RNF114: variants seen among roughly 807,000 people sequenced by gnomAD.
The protein encoded by RNF114 is E3 ubiquitin-protein ligase RNF114.
A neutral mutation model predicts 28.4 loss-of-function variants in RNF114; 6 were observed. That is an observed-to-expected ratio of 0.21 (90% CI 0.12 to 0.42). The LOEUF (loss-of-function observed/expected upper bound fraction) is 0.42, where lower values mean the gene tolerates loss of function less well. Among genes scored for constraint, RNF114 ranks in the 10% least tolerant of loss-of-function variants. The probability of loss-of-function intolerance (pLI) is 1.00; values close to 1 mark genes in which losing one functional copy is unlikely to be tolerated. For missense variants in RNF114, 249 were observed against 311.7 expected, an observed-to-expected ratio of 0.80 and a Z score of 1.51; for synonymous variants, 115 against 116.7, an observed-to-expected ratio of 0.99 and a Z score of 0.09.
chr20:49,939,151 A>T (rs935999452), intron 1 of RNF114, among the ~76,000 whole-genome samples: 8 of 152,172 alleles, frequency 5.3e-5, no homozygotes, highest in Non-Finnish European at 1.2e-4. Flanking sequence ...GCAGCTTTCT[A>T]TGATCACCCC....
At chr20:49,941,510 C>T (rs775568613) in intron 1 of RNF114, 51 bp from the exon 2 acceptor site, 90 of 1,513,792 alleles carry the variant, frequency 5.9e-5, no homozygotes, top group Non-Finnish European at 6.9e-5. Flanking sequence ...CCATATTTGT[C>T]GTCTTGTCTC....
intron 1 of RNF114, among the ~76,000 whole-genome samples, chr20:49,939,978 G>A (rs183432372): frequency 5.3e-5 from 8 of 150,918 alleles, no homozygotes; most frequent in South Asian, 2.1e-4. Flanking sequence ...CGCTTGGACC[G>A]GGGAGGCAGA....
Position 49,945,636 on chromosome 20 carries a change from G to A in RNF114, c.398+148G>A, listed in dbSNP as rs928949050. ...GGAGGAGTATGCAAGGGAGGACTCT[G>A]GTGTTCACTTCAGATGTTAGCTGAG... On this transcript the variant is annotated intron_variant, in intron 3 of 5. Coordinates refer to ENST00000244061, the MANE Select transcript of RNF114 (RefSeq NM_018683.4). 1.2e-5 allele frequency: 7 copies of A among 595,348 alleles called. No homozygotes were observed. In the South Asian group the frequency reaches 1.4e-4, roughly 12 times the overall value. The allele number at this position is 595,348 out of a possible 1,614,324, so 36.9% of individuals were successfully genotyped here. A position where few individuals can be genotyped will look rare whatever the true frequency, so the allele number is the denominator to read the frequency against.
intron 5 of RNF114, among the ~76,000 whole-genome samples, chr20:49,949,567 G>A (rs1196767718): frequency 1.3e-5 from 2 of 152,190 alleles, no homozygotes; most frequent in African/African-American, 4.8e-5. Context: ...TGTAGCTGGG[G>A]AGCTAGATGG....
intron 1 of RNF114, among the ~76,000 whole-genome samples, chr20:49,940,400 T>A (rs2090302943): frequency 6.9e-6 from 1 of 145,948 alleles, no homozygotes; most frequent in Non-Finnish European, 1.5e-5. Context: ...TACAAAAGGA[T>A]CCATCTGAAC....
intron 4 of RNF114, among the ~76,000 whole-genome samples, chr20:49,947,193 C>G (rs2090335540): frequency 7.7e-6 from 1 of 130,556 alleles, no homozygotes; most frequent in South Asian, 2.6e-4. Context: ...GCACTCTAGT[C>G]TGGGCAGCAG....
At chr20:49,942,290 T>A (rs908806455) in intron 2 of RNF114, among the ~76,000 whole-genome samples, 1 of 152,102 alleles carries the variant, frequency 6.6e-6, no homozygotes, top group Admixed American at 6.6e-5. Flanking sequence ...CATTGGATTG[T>A]AATAACAATA....
chr20:49,945,113 A>G lies in RNF114; in HGVS notation c.292-269A>G, dbSNP rs531218030. On this transcript the variant is annotated intron_variant, in intron 2 of 5. Coordinates refer to ENST00000244061, the MANE Select transcript of RNF114 (RefSeq NM_018683.4). ...ATTTGGAGCTTGTCTGTGAGCAGAC[A>G]GCCTATCATGAATAGGAGCAAACCT... The G allele has an allele frequency of 4.0e-5, 12 of 299,290 alleles. No individual in the cohort carries two copies. The Admixed American group carries it at 5.6e-4, about 14-fold the overall frequency. 18.5% of individuals were successfully genotyped at this position (299,290 alleles called of 1,614,324 possible). A position where few individuals can be genotyped will look rare whatever the true frequency, so the allele number is the denominator to read the frequency against.
intron 5 of RNF114, among the ~76,000 whole-genome samples, chr20:49,950,500 G>C (rs1459489656): frequency 6.6e-6 from 1 of 151,810 alleles, no homozygotes; most frequent in Non-Finnish European, 1.5e-5. Context: ...GGGCAACATG[G>C]GAAAACCTTG....
intron 5 of RNF114, among the ~76,000 whole-genome samples, chr20:49,949,922 C>T (rs2090348887): frequency 6.7e-6 from 1 of 149,764 alleles, no homozygotes; most frequent in Non-Finnish European, 1.5e-5. Context: ...GGATTACAGG[C>T]GTGAGCCACC....
intron 1 of RNF114, chr20:49,941,247 A>G (rs2090306702): frequency 2.0e-5 from 5 of 255,188 alleles, no homozygotes; most frequent in Non-Finnish European, 3.7e-5. Context: ...CCATTTCACA[A>G]AGGAAAAAAT....
At chr20:49,947,781 T>TTG (rs2090339221) in intron 4 of RNF114, among the ~76,000 whole-genome samples, 2 of 27,478 alleles carry the variant, frequency 7.3e-5, no homozygotes, top group African/African-American at 2.8e-4. Context: ...TTTTTTTTTT[T>TTG]TTTTTTTTTT....
At chr20:49,938,217 A>G (rs920320020) in intron 1 of RNF114, among the ~76,000 whole-genome samples, 1 of 152,260 alleles carries the variant, frequency 6.6e-6, no homozygotes, top group African/African-American at 2.4e-5. Flanking sequence ...TAGACCCAGC[A>G]CAGTTTGCTA....
chr20:49,940,905 C>A (rs902648117), intron 1 of RNF114, among the ~76,000 whole-genome samples: 6 of 151,946 alleles, frequency 3.9e-5, no homozygotes, highest in African/African-American at 1.5e-4. Context: ...CCATGCCTGG[C>A]TAATTTTGGT....
chr20:49,941,297 G>A (rs2090306833), intron 1 of RNF114: 2 of 360,710 alleles, frequency 5.5e-6, no homozygotes, highest in Non-Finnish European at 9.9e-6. Flanking sequence ...TCAGTGGCAG[G>A]GCCTAAGGCT....
At chr20:49,937,115 G>A (rs1053330145) in intron 1 of RNF114, among the ~76,000 whole-genome samples, 1 of 152,226 alleles carries the variant, frequency 6.6e-6, no homozygotes, top group African/African-American at 2.4e-5. Flanking sequence ...TACTTCCTGT[G>A]TAGGAGGTTT....
chr20:49,941,459 T>G, intron 1 of RNF114, 102 bp from the exon 2 acceptor site: 1 of 1,352,154 alleles, frequency 7.4e-7, no homozygotes, highest in Non-Finnish European at 9.9e-7. Flanking sequence ...AGCAAGTTGT[T>G]TTTTACTCCA....
intron 2 of RNF114, among the ~76,000 whole-genome samples, chr20:49,943,185 C>G (rs993606706): frequency 6.6e-6 from 1 of 152,054 alleles, no homozygotes; most frequent in Non-Finnish European, 1.5e-5. Flanking sequence ...GGGCTATTTT[C>G]TGTGTCTTAA....
rs746640500 is a variant in RNF114 at position 49,941,680 on chromosome 20, C to T, written c.260C>T (p.Thr87Ile). The change falls in exon 2 of 6, where the codon ACA (threonine) becomes ATA (isoleucine). Residue 87 changes from threonine to isoleucine, a missense_variant. By Grantham distance (89) the Thr-to-Ile change is moderately conservative. Coordinates refer to ENST00000244061, the MANE Select transcript of RNF114 (RefSeq NM_018683.4). ...GAGCTCGAGCGGCAGATCGAGAGCA[C>T]AGAGACTTCTTGCCATGGCTGCCGT... Reference protein sequence around the residue: ...AVELERQIESTETSCHGCRKN... With the variant: ...AVELERQIESIETSCHGCRKN... 6 of 1,612,298 alleles carry T rather than the reference C, an allele frequency of 3.7e-6. No individual in the cohort carries two copies. In the African/African-American group the frequency reaches 5.3e-5, roughly 14 times the overall value.
Sources: allele counts gnomAD v4.1 joint callset (sites outside exome capture counted in the v4.1 genomes callset), GRCh38; gene constraint gnomAD v4.1.1; transcripts MANE v1.5; gene names NCBI Gene and HGNC (gene_info 2026-07-23, HGNC 2026-07-21).